FHIT: variants seen among roughly 807,000 people sequenced by gnomAD.
FHIT encodes fragile histidine triad diadenosine triphosphatase, also known as bis(5'-adenosyl)-triphosphatase.
Under a neutral mutation model 17.9 loss-of-function variants are expected in FHIT, and 19 were observed. The observed-to-expected ratio is 1.06, with a 90% CI of 0.74 to 1.56. The LOEUF is 1.56. FHIT is among the 40% of genes most tolerant of loss of function. FHIT has a pLI of 0.00. For synonymous variants in FHIT, 81 were observed against 69.7 expected, an observed-to-expected ratio of 1.16 and a Z score of -0.81; for missense variants, 248 against 189.2, an observed-to-expected ratio of 1.31 and a Z score of -1.82.
chr3:59,804,368 T>TA (rs1700114231), intron 8 of FHIT, among the ~76,000 whole-genome samples: 2 of 152,252 alleles, frequency 1.3e-5, no homozygotes, highest in African/African-American at 4.8e-5. Context: ...GGCTAGGTTT[T>TA]CCCTTGAAGA....
intron 3 of FHIT, among the ~76,000 whole-genome samples, chr3:60,846,307 T>A (rs1190693831): frequency 1.3e-5 from 2 of 152,242 alleles, no homozygotes; most frequent in African/African-American, 2.4e-5. Flanking sequence ...CAAGAGCATA[T>A]GTGAAACAAT....
At chr3:61,118,069 G>A (rs1017729639) in intron 2 of FHIT, among the ~76,000 whole-genome samples, 1 of 151,956 alleles carries the variant, frequency 6.6e-6, no homozygotes, top group African/African-American at 2.4e-5. Context: ...GGAAGGAGGG[G>A]AAAAAACACT....
intron 5 of FHIT, among the ~76,000 whole-genome samples, chr3:60,222,195 C>G (rs1174333036): frequency 6.6e-6 from 1 of 151,928 alleles, no homozygotes; most frequent in Non-Finnish European, 1.5e-5. Flanking sequence ...AAATCATTCT[C>G]TCTTATTTAT....
intron 8 of FHIT, among the ~76,000 whole-genome samples, chr3:59,917,017 A>G (rs573229854): frequency 1.3e-5 from 2 of 152,184 alleles, no homozygotes; most frequent in Non-Finnish European, 2.9e-5. Context: ...TCAACTAGGG[A>G]CCCATGGACT....
intron 4 of FHIT, among the ~76,000 whole-genome samples, chr3:60,627,318 T>A (rs2039316264): frequency 1.3e-5 from 2 of 152,196 alleles, no homozygotes; most frequent in Non-Finnish European, 2.9e-5. Flanking sequence ...AGTTTTTTAT[T>A]ATAAAAAATA....
intron 5 of FHIT, among the ~76,000 whole-genome samples, chr3:60,395,370 T>G (rs1347230028): frequency 1.3e-5 from 2 of 152,166 alleles, no homozygotes; most frequent in African/African-American, 4.8e-5. Context: ...CACTGAGGAT[T>G]AGAAAGTTTA....
chr3:60,863,164 G>C (rs1220586986), intron 3 of FHIT, among the ~76,000 whole-genome samples: 3 of 152,180 alleles, frequency 2.0e-5, no homozygotes, highest in African/African-American at 7.2e-5. Context: ...TAAAATGTAG[G>C]AGGCTCTGTG....
intron 7 of FHIT, among the ~76,000 whole-genome samples, chr3:59,992,337 C>T (rs56387011): frequency 6.6e-6 from 1 of 152,048 alleles, no homozygotes; most frequent in African/African-American, 2.4e-5. Flanking sequence ...ATTACTTTTA[C>T]AATTAAGCTG....
chr3:60,489,802 TCATAGC>T (rs779179859), intron 5 of FHIT, among the ~76,000 whole-genome samples: 85 of 152,180 alleles, frequency 5.6e-4, no homozygotes, highest in Non-Finnish European at 8.4e-4. Flanking sequence ...GTGCCTGTTT[TCATAGC>T]CAAAAGACTG....
intron 5 of FHIT, among the ~76,000 whole-genome samples, chr3:60,474,626 AT>A (rs111518978): frequency 1.3e-3 from 190 of 145,518 alleles, no homozygotes; most frequent in Admixed American, 2.3e-3. Context: ...ACACAATACA[AT>A]TTTTTTTTTT....
At chr3:61,116,752 T>C (rs1232444551) in intron 2 of FHIT, among the ~76,000 whole-genome samples, 1 of 152,174 alleles carries the variant, frequency 6.6e-6, no homozygotes, top group African/African-American at 2.4e-5. Flanking sequence ...GCCAAACTAC[T>C]ATTGTCCTCT....
chr3:61,181,216 T>C (rs2038330635), intron 2 of FHIT, among the ~76,000 whole-genome samples: 1 of 152,170 alleles, frequency 6.6e-6, no homozygotes, highest in Non-Finnish European at 1.5e-5. Flanking sequence ...CCCAGCCAAG[T>C]AATGACCAAT....
intron 5 of FHIT, among the ~76,000 whole-genome samples, chr3:60,235,051 A>G (rs1704697004): frequency 1.3e-5 from 2 of 152,092 alleles, no homozygotes; most frequent in Admixed American, 1.3e-4. Flanking sequence ...TCAACGTTAC[A>G]TGGAATAAGA....
intron 3 of FHIT, among the ~76,000 whole-genome samples, chr3:60,906,018 A>T (rs1032020169): frequency 1.4e-4 from 21 of 152,192 alleles, no homozygotes; most frequent in African/African-American, 4.6e-4. Flanking sequence ...ATAAAGCAAA[A>T]CCTAAACTTG....
chr3:59,897,166 G>T (rs1177417134), intron 8 of FHIT, among the ~76,000 whole-genome samples: 4 of 152,160 alleles, frequency 2.6e-5, no homozygotes, highest in Non-Finnish European at 5.9e-5. Context: ...GAGTCTAAAA[G>T]AACTTTCTGC....
intron 5 of FHIT, among the ~76,000 whole-genome samples, chr3:60,072,365 A>T (rs2630206): frequency 0.32 from 47,940 of 151,988 alleles, 8,402 homozygotes; most frequent in African/African-American, 0.46. Flanking sequence ...ATGGCTGTCA[A>T]CACCTTCTCT....
chr3:59,773,066 TTTTG>T (rs1266600136), intron 8 of FHIT, among the ~76,000 whole-genome samples: 3 of 152,216 alleles, frequency 2.0e-5, no homozygotes, highest in Non-Finnish European at 1.5e-5. Context: ...CTCTGAATTT[TTTTG>T]TTTGAGAGTT....
At chr3:60,278,254 G>C (rs375968857) in intron 5 of FHIT, among the ~76,000 whole-genome samples, 6 of 152,242 alleles carry the variant, frequency 3.9e-5, no homozygotes, top group African/African-American at 1.4e-4. Flanking sequence ...TCTCAGGGAA[G>C]AGAAAAAGTA....
At chr3:60,023,773 C>T (rs1700637257) in intron 5 of FHIT, among the ~76,000 whole-genome samples, 1 of 152,128 alleles carries the variant, frequency 6.6e-6, no homozygotes, top group African/African-American at 2.4e-5. Context: ...ATTCCTGGTG[C>T]TACACACAGA....
Sources: allele counts gnomAD v4.1 joint callset (sites outside exome capture counted in the v4.1 genomes callset), GRCh38; gene constraint gnomAD v4.1.1; transcripts MANE v1.5; gene names NCBI Gene and HGNC (gene_info 2026-07-23, HGNC 2026-07-21).